FGL1: variants seen among roughly 807,000 people sequenced by gnomAD.
FGL1 encodes fibrinogen-like protein 1.
Under a neutral mutation model 43.7 loss-of-function variants are expected in FGL1, and 59 were observed. The ratio of observed to expected loss-of-function variants is 1.35; its 90% confidence interval spans 1.10 to 1.68. FGL1 has a LOEUF of 1.68. Among genes scored for constraint, FGL1 ranks in the 40% most tolerant of loss-of-function variants. The pLI is 0.00. For missense variants in FGL1, 596 were observed against 373.0 expected (o/e 1.60, Z -4.92); for synonymous variants, 192 against 126.5 (o/e 1.52, Z -3.48).
intron 1 of FGL1, among the ~76,000 whole-genome samples, chr8:17,890,009 C>T (rs1019896234): frequency 1.4e-4 from 22 of 152,328 alleles, no homozygotes; most frequent in African/African-American, 5.3e-4. Flanking sequence ...CATGTTAATA[C>T]ATTAATGTGT....
intron 1 of FGL1, among the ~76,000 whole-genome samples, chr8:17,887,270 T>A (rs951992713): frequency 6.6e-6 from 1 of 152,158 alleles, no homozygotes; most frequent in African/African-American, 2.4e-5. Context: ...GGATTCTCCA[T>A]CAAAGGAGGC....
chr8:17,865,255 C>A (rs1213991632), intron 7 of FGL1, among the ~76,000 whole-genome samples: 4 of 152,172 alleles, frequency 2.6e-5, no homozygotes, highest in African/African-American at 7.2e-5. Context: ...TCCAGCCTTA[C>A]AACCTCCTGA....
intron 6 of FGL1, 70 bp downstream of exon 6, chr8:17,868,846 C>G (rs1002072087): frequency 3.1e-5 from 46 of 1,460,786 alleles, no homozygotes; most frequent in Non-Finnish European, 4.1e-5. Flanking sequence ...TTTATTTCCA[C>G]TGACTCCAGG....
chr8:17,874,732 T>C (rs2053419345), intron 3 of FGL1: 2 of 378,628 alleles, frequency 5.3e-6, no homozygotes, highest in South Asian at 1.3e-4. Flanking sequence ...GAATCCTTGA[T>C]ATAATCATCG....
intron 5 of FGL1, 121 bp downstream of exon 5, chr8:17,873,898 C>G (rs899477383): frequency 4.5e-5 from 26 of 579,124 alleles, no homozygotes; most frequent in African/African-American, 7.9e-5. Flanking sequence ...AAAGTTATCA[C>G]TGCCATCTGC....
intron 7 of FGL1, among the ~76,000 whole-genome samples, 155 bp from the exon 8 acceptor site, chr8:17,864,906 G>T (rs1249687192): frequency 6.6e-6 from 1 of 152,016 alleles, no homozygotes; most frequent in South Asian, 2.1e-4. Flanking sequence ...CAAAAGCTGA[G>T]AAATTTCTAC....
intron 1 of FGL1, among the ~76,000 whole-genome samples, chr8:17,887,392 C>T (rs184067878): frequency 3.9e-5 from 6 of 152,300 alleles, no homozygotes; most frequent in African/African-American, 1.2e-4. Flanking sequence ...TTTCTTTCAA[C>T]GTAAGTCTTC....
At position 17,869,065 on chromosome 8, in the gene FGL1, G is replaced by A. The variant is rs145867321; in HGVS notation, c.503-61C>T. 5.1e-5 allele frequency: 52 copies of A among 1,018,182 alleles called. 1 individual carries two copies. In the Middle Eastern group the frequency reaches 2.1e-3, roughly 42 times the overall value. 63.1% of individuals were successfully genotyped at this position (1,018,182 alleles called of 1,614,324 possible). Reference sequence around the variant, plus strand: ...TGTGTGACATGACACGGACTACTGCGGTTTAAAAATAATTCACAGCTCTAT... The same window carrying A: ...TGTGTGACATGACACGGACTACTGCAGTTTAAAAATAATTCACAGCTCTAT... On this transcript the variant is annotated intron_variant, in intron 5 of 7. Transcript: ENST00000427924.
intron 3 of FGL1, 51 bp from the exon 4 acceptor site, chr8:17,874,572 C>T (rs1254828218): frequency 1.3e-6 from 2 of 1,487,944 alleles, no homozygotes; most frequent in Non-Finnish European, 1.8e-6. Flanking sequence ...TTTTTCTCCC[C>T]CCGCCTTAGG....
intron 7 of FGL1, among the ~76,000 whole-genome samples, chr8:17,865,690 TTA>T (rs1238954585): frequency 1.3e-5 from 2 of 152,186 alleles, no homozygotes; most frequent in African/African-American, 4.8e-5. Context: ...TGCAATAAGT[TTA>T]TGTGTGTTGT....
At chr8:17,895,291 T>C (rs1447608144) in intron 1 of FGL1, 156 bp downstream of exon 1, 2 of 1,053,440 alleles carry the variant, frequency 1.9e-6, no homozygotes, top group South Asian at 4.8e-5. Context: ...ATTCTAAATC[T>C]CTTCTCCAAG....
intron 2 of FGL1, among the ~76,000 whole-genome samples, chr8:17,884,187 T>TTCTC (rs34589693): frequency 0.098 from 14,263 of 145,708 alleles, 1,437 homozygotes; most frequent in African/African-American, 0.26. Flanking sequence ...GGATGATTCC[T>TTCTC]TCTCTCTCTC....
intron 1 of FGL1, among the ~76,000 whole-genome samples, chr8:17,886,793 AG>A (rs2053635160): frequency 6.6e-6 from 1 of 151,484 alleles, no homozygotes; most frequent in Non-Finnish European, 1.5e-5. Context: ...AGAGGAGAGG[AG>A]AGGAGAGGAG....
Position 17,874,158 on chromosome 8 carries a change from T to C in FGL1, c.405-42A>G, listed in dbSNP as rs747374996. On this transcript the variant is annotated intron_variant, in intron 4 of 7. Transcript: ENST00000427924. ...GGAAGCCGATTAGAGCAAACTCCAT[T>C]TGTGGTACCAAAGCGACCACCACCC... is the stretch of plus-strand genomic sequence containing the variant. 2.0e-5 allele frequency: 31 copies of C among 1,539,216 alleles called. 1 individual carries two copies. In the South Asian group the frequency reaches 3.0e-4, roughly 15 times the overall value.
intron 1 of FGL1, 125 bp from the exon 2 acceptor site, chr8:17,885,696 C>T (rs1047890827): frequency 4.4e-6 from 3 of 680,344 alleles, no homozygotes; most frequent in Non-Finnish European, 7.4e-6. Context: ...TTAGAGTCGC[C>T]GAGGAAATTC....
At chr8:17,891,681 C>T (rs2053707119) in intron 1 of FGL1, 3 of 985,094 alleles carry the variant, frequency 3.0e-6, no homozygotes, top group Non-Finnish European at 3.6e-6. Flanking sequence ...ACTTGTAAAC[C>T]TGAATTAGAA....
At chr8:17,886,216 CTG>C (rs1458012870) in intron 1 of FGL1, among the ~76,000 whole-genome samples, 3 of 152,192 alleles carry the variant, frequency 2.0e-5, no homozygotes, top group African/African-American at 7.2e-5. Context: ...AAACTACAGT[CTG>C]TTTATACTGA....
At chr8:17,883,292 C>A (rs867000674) in intron 2 of FGL1, among the ~76,000 whole-genome samples, 3 of 67,430 alleles carry the variant, frequency 4.4e-5, no homozygotes, top group Non-Finnish European at 6.9e-5. Flanking sequence ...TCATATATAT[C>A]ATATATAATA....
chr8:17,877,085 G>A (rs758486301), intron 3 of FGL1, among the ~76,000 whole-genome samples: 11 of 152,186 alleles, frequency 7.2e-5, no homozygotes, highest in Non-Finnish European at 1.2e-4. Flanking sequence ...GACTTAAATC[G>A]TAACAGCAGA....
Sources: gnomAD v4.1 joint callset for allele counts (sites outside exome capture counted in the v4.1 genomes callset) on GRCh38, gnomAD v4.1.1 for gene constraint, MANE v1.5 for transcripts, NCBI Gene and HGNC (gene_info 2026-07-23, HGNC 2026-07-21) for gene names.